CYSTM1: variants seen among roughly 807,000 people sequenced by gnomAD.
CYSTM1 encodes the protein cysteine rich transmembrane module containing 1.
A neutral mutation model predicts 13.1 loss-of-function variants in CYSTM1; 4 were observed. The observed-to-expected ratio is 0.31, with a 90% CI of 0.15 to 0.70. The LOEUF (loss-of-function observed/expected upper bound fraction) is 0.70. Ranked by LOEUF, CYSTM1 falls within the 30% of genes least tolerant of loss-of-function variation. The pLI is 0.72. For synonymous variants in CYSTM1, 36 were observed against 42.7 expected (o/e 0.84, Z 0.62); for missense variants, 96 against 121.6 (o/e 0.79, Z 0.99).
chr5:140,192,665 G>A (rs1263370726), intron 1 of CYSTM1, among the ~76,000 whole-genome samples: 1 of 152,174 alleles, frequency 6.6e-6, no homozygotes, highest in Non-Finnish European at 1.5e-5. Flanking sequence ...GGGAAGGTTC[G>A]GTGGGAGTGT....
intron 2 of CYSTM1, among the ~76,000 whole-genome samples, chr5:140,237,389 T>TTG (rs1427403510): frequency 2.6e-5 from 4 of 152,230 alleles, no homozygotes; most frequent in African/African-American, 9.6e-5. Flanking sequence ...GAGCCTGATC[T>TTG]TGTGCAGTGA....
rs566776472 is a variant in CYSTM1, at chr5:140,242,686, T to A, written c.188-619T>A. Among the ~76,000 whole-genome samples the A allele has an allele frequency of 4.6e-5, 7 of 152,184 alleles. No individual in the cohort carries two copies. The East Asian group carries it at 1.4e-3, about 30-fold the overall frequency. ...GACAGGGCTCAGGTTTCCAGCTCCA[T>A]TTGGAGGAAAAGTGAGCATGCTAGG... On this transcript the variant is annotated intron_variant, in intron 2 of 2. Coordinates refer to ENST00000261811, the MANE Select transcript of CYSTM1 (RefSeq NM_032412.4).
intron 2 of CYSTM1, among the ~76,000 whole-genome samples, chr5:140,238,499 A>G (rs1764710605): frequency 6.6e-6 from 1 of 152,098 alleles, no homozygotes. Context: ...CGGACCTGGT[A>G]CTTACTCACT....
intron 2 of CYSTM1, among the ~76,000 whole-genome samples, chr5:140,226,601 TATATATATATAA>T (rs201526271): frequency 0.011 from 1,265 of 113,374 alleles, 72 homozygotes; most frequent in African/African-American, 0.04. Flanking sequence ...TATATATATA[TATATATATATAA>T]AAATTAGCCA....
intron 1 of CYSTM1, among the ~76,000 whole-genome samples, chr5:140,182,746 T>TC (rs1213480009): frequency 2.6e-5 from 4 of 152,080 alleles, no homozygotes; most frequent in Non-Finnish European, 5.9e-5. Flanking sequence ...AGAATTTTTT[T>TC]CCCCCAATCT....
intron 2 of CYSTM1, among the ~76,000 whole-genome samples, chr5:140,226,594 A>T (rs1764558834): frequency 9.8e-6 from 1 of 102,526 alleles, no homozygotes; most frequent in African/African-American, 3.9e-5. Flanking sequence ...TATTATATAT[A>T]TATATATATA....
chr5:140,238,383 A>T (rs536197298), intron 2 of CYSTM1, among the ~76,000 whole-genome samples: 1 of 151,968 alleles, frequency 6.6e-6, no homozygotes, highest in African/African-American at 2.4e-5. Context: ...AAAACTACAG[A>T]CCCTTGATTG....
chr5:140,226,564 AAT>A (rs1254178374), intron 2 of CYSTM1, among the ~76,000 whole-genome samples: 1 of 108,738 alleles, frequency 9.2e-6, no homozygotes, highest in Non-Finnish European at 1.8e-5. Flanking sequence ...ATATAATATA[AAT>A]ATATATTATA....
intron 2 of CYSTM1, among the ~76,000 whole-genome samples, chr5:140,231,058 T>C (rs542528063): frequency 2.6e-5 from 4 of 152,336 alleles, no homozygotes; most frequent in African/African-American, 9.6e-5. Context: ...GGTGAAAGAG[T>C]TGACATATTT....
At chr5:140,183,255 G>A (rs1763979569) in intron 1 of CYSTM1, among the ~76,000 whole-genome samples, 2 of 152,160 alleles carry the variant, frequency 1.3e-5, no homozygotes, top group African/African-American at 2.4e-5. Flanking sequence ...AGGGGGCAGA[G>A]TTCTTCCCTT....
chr5:140,234,669 T>C (rs1335907086), intron 2 of CYSTM1, among the ~76,000 whole-genome samples: 3 of 152,196 alleles, frequency 2.0e-5, no homozygotes, highest in African/African-American at 7.2e-5. Flanking sequence ...ATACTATTCA[T>C]TAAATTGGGT....
chr5:140,242,333 CAG>C (rs1764759842), intron 2 of CYSTM1, among the ~76,000 whole-genome samples: 1 of 152,138 alleles, frequency 6.6e-6, no homozygotes, highest in African/African-American at 2.4e-5. Context: ...CACCAGGCTC[CAG>C]AGAGAGGCGC....
chr5:140,234,763 C>A (rs554125132), intron 2 of CYSTM1, among the ~76,000 whole-genome samples: 1 of 152,280 alleles, frequency 6.6e-6, no homozygotes, highest in South Asian at 2.1e-4. Context: ...CACCATCATT[C>A]ACAACCGTGG....
chr5:140,203,766 AC>A (rs1339946274), intron 2 of CYSTM1, among the ~76,000 whole-genome samples: 1 of 152,186 alleles, frequency 6.6e-6, no homozygotes, highest in Non-Finnish European at 1.5e-5. Flanking sequence ...AATTGAAATG[AC>A]TTCCACTCAG....
At chr5:140,234,769 C>T (rs908139884) in intron 2 of CYSTM1, among the ~76,000 whole-genome samples, 6 of 152,180 alleles carry the variant, frequency 3.9e-5, no homozygotes, top group Admixed American at 6.5e-5. Flanking sequence ...CATTCACAAC[C>T]GTGGTCTTCC....
chr5:140,196,057 C>T (rs1335422016), intron 2 of CYSTM1, among the ~76,000 whole-genome samples: 1 of 151,432 alleles, frequency 6.6e-6, no homozygotes, highest in African/African-American at 2.4e-5. Context: ...AAAAAAAGTG[C>T]TTATTGTGTG....
intron 2 of CYSTM1, chr5:140,201,389 C>A (rs1581063234): frequency 6.6e-6 from 1 of 152,278 alleles, no homozygotes; most frequent in East Asian, 1.9e-4. Context: ...GTAGGTAAGG[C>A]CTCTAACCTG....
intron 1 of CYSTM1, among the ~76,000 whole-genome samples, chr5:140,176,522 T>C (rs1298918374): frequency 2.0e-5 from 3 of 152,146 alleles, no homozygotes; most frequent in Non-Finnish European, 2.9e-5. Context: ...TTTGACGGGA[T>C]TTAATGACTG....
At chr5:140,183,995 A>G (rs1317551771) in intron 1 of CYSTM1, among the ~76,000 whole-genome samples, 1 of 152,072 alleles carries the variant, frequency 6.6e-6, no homozygotes, top group East Asian at 1.9e-4. Flanking sequence ...AAAATTGATT[A>G]TTTTCTTGTA....
Sources: gnomAD v4.1 joint callset for allele counts (sites outside exome capture counted in the v4.1 genomes callset) on GRCh38, gnomAD v4.1.1 for gene constraint, MANE v1.5 for transcripts, NCBI Gene and HGNC (gene_info 2026-07-23, HGNC 2026-07-21) for gene names.